VAV3: variants seen among roughly 807,000 people sequenced by gnomAD.
VAV3 encodes the protein vav guanine nucleotide exchange factor 3, also known as guanine nucleotide exchange factor VAV3.
In VAV3, 94 loss-of-function variants were observed where a neutral mutation model predicts 131.2. The ratio of observed to expected loss-of-function variants is 0.72; its 90% CI spans 0.61 to 0.85. The LOEUF (loss-of-function observed/expected upper bound fraction) is 0.85. Ranked by LOEUF, VAV3 falls within the 40% of genes least tolerant of loss-of-function variation. VAV3 has a pLI of 0.00. For synonymous variants in VAV3, 349 were observed against 342.0 expected, an observed-to-expected ratio of 1.02 and a Z score of -0.22; for missense variants, 939 against 1,002.7, an observed-to-expected ratio of 0.94 and a Z score of 0.86.
Position 107,815,325 on chromosome 1 carries a change from G to A in VAV3, c.322-35833C>T, listed in dbSNP as rs181903327. ...CAGACTAACTTGGGAGTTAGTGAGG[G>A]GAAAGGGATGTAGACACATTGTCAC... On this transcript the variant is annotated intron_variant, in intron 2 of 26. Transcript: ENST00000370056. Among the ~76,000 whole-genome samples the A allele has an allele frequency of 2.6e-5, 4 of 152,290 alleles. No homozygotes were observed. The East Asian group carries it at 7.7e-4, about 29-fold the overall frequency.
chr1:107,623,914 C>G (rs1427753062), intron 20 of VAV3, among the ~76,000 whole-genome samples: 2 of 152,114 alleles, frequency 1.3e-5, no homozygotes, highest in Non-Finnish European at 2.9e-5. Flanking sequence ...GCTTAGAATT[C>G]TGAATAAGTC....
At chr1:107,626,426 C>G (rs1466380656) in intron 20 of VAV3, among the ~76,000 whole-genome samples, 1 of 152,184 alleles carries the variant, frequency 6.6e-6, no homozygotes, top group African/African-American at 2.4e-5. Flanking sequence ...TCTGATTTAA[C>G]TCAGTATTTA....
rs543412017 is a variant in VAV3, at chr1:107,771,182, T to C, written c.556-454A>G. Among the ~76,000 whole-genome samples the C allele has an allele frequency of 2.6e-5, 4 of 152,134 alleles. No individual in the cohort carries two copies. The East Asian group carries it at 7.7e-4, about 29-fold the overall frequency. On this transcript the variant is annotated intron_variant, in intron 5 of 26. Transcript: ENST00000370056. ...ACTAAGTATTTAAGATTGGAAGTCA[T>C]AGAGCACAACACTAAAATCAAAGAT...
At chr1:107,641,416 A>AT (rs1054711240) in intron 20 of VAV3, among the ~76,000 whole-genome samples, 2 of 152,152 alleles carry the variant, frequency 1.3e-5, no homozygotes, top group Non-Finnish European at 2.9e-5. Context: ...TGCACAATAG[A>AT]TTTTTTAACG....
intron 1 of VAV3, among the ~76,000 whole-genome samples, chr1:107,942,331 C>A (rs1674037187): frequency 6.6e-6 from 1 of 152,192 alleles, no homozygotes; most frequent in South Asian, 2.1e-4. Context: ...TGCATTTCAA[C>A]CTCTACTAGC....
intron 13 of VAV3, among the ~76,000 whole-genome samples, chr1:107,750,637 T>C (rs186000546): frequency 3.8e-4 from 58 of 152,330 alleles, no homozygotes; most frequent in African/African-American, 1.3e-3. Flanking sequence ...AAACCTCTGT[T>C]TGATGATTAC....
chr1:107,583,448 A>G (rs1476654027), intron 25 of VAV3, among the ~76,000 whole-genome samples: 1 of 152,204 alleles, frequency 6.6e-6, no homozygotes, highest in Non-Finnish European at 1.5e-5. Flanking sequence ...GTATTCAGTT[A>G]GGAAAAGAGG....
rs987455171 is a variant in VAV3, at chr1:107,769,525, A to G, written c.649-1016T>C. Among the ~76,000 whole-genome samples the G allele has an allele frequency of 2.6e-5, 4 of 152,198 alleles. No homozygotes were observed. In the East Asian group the frequency reaches 7.7e-4, roughly 29 times the overall value. On this transcript the variant is annotated intron_variant, in intron 6 of 26. Coordinates refer to ENST00000370056, the MANE Select transcript of VAV3 (RefSeq NM_006113.5). ...GAGCTGGCCTCAAACCTCTTCCCTA[A>G]CATGCATTCACTAGGGTGATCTCAC... is the stretch of plus-strand genomic sequence containing the variant.
At chr1:107,631,481 T>G (rs1168752624) in intron 20 of VAV3, among the ~76,000 whole-genome samples, 3 of 132,942 alleles carry the variant, frequency 2.3e-5, no homozygotes, top group African/African-American at 8.2e-5. Context: ...TAATTTTATT[T>G]TATTATTATT....
chr1:107,922,925 C>G (rs1271278601), intron 1 of VAV3, among the ~76,000 whole-genome samples: 1 of 147,440 alleles, frequency 6.8e-6, no homozygotes, highest in Non-Finnish European at 1.5e-5. Context: ...GCACTCCAGC[C>G]TGGGCGACAG....
Position 107,573,166 on chromosome 1 carries a change from T to G in VAV3, c.*165A>C. ...CCATTAATCTGTCAGTACCAGCATC[T>G]TTAGAAATCTCAGCATTAAGACTTA... On this transcript the variant is annotated 3_prime_UTR_variant, in exon 27 of 27. Coordinates refer to ENST00000370056, the MANE Select transcript of VAV3 (RefSeq NM_006113.5). 1 of 724,138 alleles carries G rather than the reference T, an allele frequency of 1.4e-6. No individual in the cohort carries two copies. Among genetic ancestry groups the G allele is most frequent in the South Asian group, 2.0e-5 (1 of 50,452 alleles). The allele number at this position is 724,138 out of a possible 1,614,324, so 44.9% of individuals were successfully genotyped here. A position where few individuals can be genotyped will look rare whatever the true frequency, so the allele number is the denominator to read the frequency against.
intron 1 of VAV3, among the ~76,000 whole-genome samples, chr1:107,897,593 T>C (rs1270757684): frequency 6.6e-6 from 1 of 152,098 alleles, no homozygotes; most frequent in Non-Finnish European, 1.5e-5. Context: ...CTGGGACTTC[T>C]AGTTACACTA....
In VAV3 at chr1:107,749,011, T is replaced by G. The variant is rs562928533; in HGVS notation, c.1459A>C (p.Lys487Gln). ...TCTAGCCATTTCTTCTTTAAATCTTTTGTTTTGCAATAAAATTCTAACCCA... is the reference window on the plus strand; with the variant it reads ...TCTAGCCATTTCTTCTTTAAATCTTGTGTTTTGCAATAAAATTCTAACCCA... ...QNGLEFYCKT[K>Q]DLKKKWLEQF... The change falls in exon 15 of 27, where the codon AAA (lysine) becomes CAA (glutamine). Residue 487 changes from lysine (K) to glutamine (Q), a missense_variant. By Grantham distance (53) the Lys-to-Gln change is moderately conservative. Coordinates refer to ENST00000370056, the MANE Select transcript of VAV3 (RefSeq NM_006113.5). 3.1e-6 allele frequency: 5 copies of G among 1,612,500 alleles called. No homozygotes were observed. The highest frequency in any genetic ancestry group is 2.2e-5 in the East Asian group (1 of 44,766).
At chr1:107,678,516 CTGT>C (rs1225114987) in intron 19 of VAV3, among the ~76,000 whole-genome samples, 4 of 152,064 alleles carry the variant, frequency 2.6e-5, no homozygotes, top group African/African-American at 9.7e-5. Context: ...TGAAAACACT[CTGT>C]TGTTATTTTT....
chr1:107,665,377 A>G (rs1265118739), intron 19 of VAV3, among the ~76,000 whole-genome samples: 2 of 152,158 alleles, frequency 1.3e-5, no homozygotes, highest in Non-Finnish European at 2.9e-5. Context: ...TTCTTATCAC[A>G]TGGGCCAGCA....
chr1:107,632,688 C>G (rs146624629), intron 20 of VAV3, among the ~76,000 whole-genome samples: 1 of 152,180 alleles, frequency 6.6e-6, no homozygotes, highest in Admixed American at 6.5e-5. Flanking sequence ...GACAGGAGAC[C>G]TAATGTCAAA....
At chr1:107,654,480 T>A (rs1470058451) in intron 19 of VAV3, among the ~76,000 whole-genome samples, 1 of 152,078 alleles carries the variant, frequency 6.6e-6, no homozygotes, top group African/African-American at 2.4e-5. Context: ...TTTTTCAATG[T>A]AAAATATTTG....
intron 1 of VAV3, among the ~76,000 whole-genome samples, chr1:107,876,790 TTTA>T (rs1263262109): frequency 2.6e-5 from 4 of 152,114 alleles, no homozygotes; most frequent in Non-Finnish European, 5.9e-5. Context: ...ATAGATGCAT[TTTA>T]TTATATGTAA....
chr1:107,847,813 AG>A (rs1187357964), intron 2 of VAV3, among the ~76,000 whole-genome samples: 1 of 152,180 alleles, frequency 6.6e-6, no homozygotes, highest in Non-Finnish European at 1.5e-5. Flanking sequence ...AGGACCAGAG[AG>A]ATTCACAGCT....
Sources: gnomAD v4.1 joint callset for allele counts (sites outside exome capture counted in the v4.1 genomes callset) on GRCh38, gnomAD v4.1.1 for gene constraint, MANE v1.5 for transcripts, NCBI Gene and HGNC (gene_info 2026-07-23, HGNC 2026-07-21) for gene names.